The following WWOX variants were observed in gnomAD, a reference collection of about 807,000 sequenced individuals.
The protein encoded by WWOX is WW domain containing oxidoreductase.
Under a neutral mutation model 46.2 loss-of-function variants are expected in WWOX, and 69 were observed. That is an observed-to-expected ratio of 1.49 (90% CI 1.23 to 1.82). The LOEUF is 1.82. Ranked by LOEUF, WWOX falls within the 40% of genes most tolerant of loss-of-function variation. WWOX has a pLI of 0.00. For missense variants in WWOX, 919 were observed against 542.6 expected (o/e 1.69, Z -6.89); for synonymous variants, 359 against 202.6 (o/e 1.77, Z -6.56).
intron 8 of WWOX, among the ~76,000 whole-genome samples, chr16:78,801,465 T>G (rs533718030): frequency 6.6e-6 from 1 of 152,166 alleles, no homozygotes; most frequent in Non-Finnish European, 1.5e-5. Flanking sequence ...GCTGATATCA[T>G]GTCACCGCAC....
chr16:78,931,656 G>A (rs2045626742), intron 8 of WWOX, among the ~76,000 whole-genome samples: 1 of 152,214 alleles, frequency 6.6e-6, no homozygotes. Context: ...CAGTCATGGA[G>A]TCATCTACAG....
At chr16:78,490,923 C>T (rs1407446781) in intron 8 of WWOX, among the ~76,000 whole-genome samples, 4 of 152,092 alleles carry the variant, frequency 2.6e-5, no homozygotes, top group Non-Finnish European at 5.9e-5. Context: ...GCAGTGAGCT[C>T]ATATGGAAGA....
At chr16:78,878,274 A>G (rs1470260822) in intron 8 of WWOX, among the ~76,000 whole-genome samples, 1 of 152,176 alleles carries the variant, frequency 6.6e-6, no homozygotes, top group Non-Finnish European at 1.5e-5. Context: ...GTTACAATAA[A>G]TAAAAATACC....
At chr16:78,888,553 A>T (rs1253285561) in intron 8 of WWOX, among the ~76,000 whole-genome samples, 1 of 152,154 alleles carries the variant, frequency 6.6e-6, no homozygotes, top group Non-Finnish European at 1.5e-5. Flanking sequence ...GAACTCAAAG[A>T]CGGCTTTTGT....
chr16:78,808,504 C>G (rs2051101838), intron 8 of WWOX, among the ~76,000 whole-genome samples: 1 of 152,150 alleles, frequency 6.6e-6, no homozygotes, highest in Non-Finnish European at 1.5e-5. Flanking sequence ...TTGATGATTA[C>G]TAAAAATGTG....
chr16:78,859,001 TAAAAAAAAAA>T (rs542176032), intron 8 of WWOX, among the ~76,000 whole-genome samples: 6 of 44,330 alleles, frequency 1.4e-4, no homozygotes, highest in East Asian at 1.3e-3. Flanking sequence ...TTTTGAAATT[TAAAAAAAAAA>T]AAAAAAAAAA....
intron 8 of WWOX, among the ~76,000 whole-genome samples, chr16:79,134,601 A>T (rs1369628369): frequency 6.6e-6 from 1 of 152,152 alleles, no homozygotes; most frequent in Non-Finnish European, 1.5e-5. Flanking sequence ...ATAAATGCAG[A>T]CACATACAGA....
At chr16:78,941,080 C>G (rs1450284547) in intron 8 of WWOX, among the ~76,000 whole-genome samples, 2 of 152,094 alleles carry the variant, frequency 1.3e-5, no homozygotes, top group African/African-American at 4.8e-5. Context: ...TGATTGGTCC[C>G]TGATTGCCTC....
At chr16:78,880,926 C>T (rs1464007009) in intron 8 of WWOX, among the ~76,000 whole-genome samples, 1 of 151,470 alleles carries the variant, frequency 6.6e-6, no homozygotes, top group Non-Finnish European at 1.5e-5. Context: ...TCCTGTTTTC[C>T]AAGCACTTTT....
intron 8 of WWOX, among the ~76,000 whole-genome samples, chr16:79,043,539 T>C (rs566072100): frequency 2.6e-5 from 4 of 152,210 alleles, no homozygotes; most frequent in East Asian, 1.9e-4. Context: ...GGATCCAGGA[T>C]CCGACAGCTT....
chr16:78,950,597 C>T (rs938861874), intron 8 of WWOX, among the ~76,000 whole-genome samples: 1 of 151,618 alleles, frequency 6.6e-6, no homozygotes. Context: ...AGATTTCTAA[C>T]ATAATAAAAA....
At position 78,198,786 on chromosome 16, in the gene WWOX, T is replaced by TTA. The variant is rs138131193; in HGVS notation, c.516+34511_516+34512dup. On this transcript the variant is annotated intron_variant, in intron 5 of 8. Coordinates refer to ENST00000566780, the MANE Select transcript of WWOX (RefSeq NM_016373.4). ...TCGCATATGTCAATATGTAAACATTTTATATATATATATATGCATTCACAC... is the reference window on the plus strand; with the variant it reads ...TCGCATATGTCAATATGTAAACATTTTATATATATATATATATGCATTCACAC... Among the ~76,000 whole-genome samples the TTA allele has an allele frequency of 5.2e-3, 779 of 151,032 alleles. 12 individuals carry two copies. Among genetic ancestry groups the TTA allele is most frequent in the African/African-American group, 0.016 (680 of 41,248 alleles).
At chr16:78,714,828 A>C (rs1196144438) in intron 8 of WWOX, among the ~76,000 whole-genome samples, 1 of 152,212 alleles carries the variant, frequency 6.6e-6, no homozygotes, top group South Asian at 2.1e-4. Context: ...ATTTTATTCT[A>C]GCTGCAGTGA....
intron 8 of WWOX, among the ~76,000 whole-genome samples, chr16:78,821,103 A>G (rs1345556402): frequency 1.3e-5 from 2 of 152,186 alleles, no homozygotes; most frequent in Admixed American, 1.3e-4. Context: ...CTAGGGGGAC[A>G]CTATTGAACC....
At chr16:78,383,608 T>G (rs1810994532) in intron 5 of WWOX, among the ~76,000 whole-genome samples, 1 of 152,174 alleles carries the variant, frequency 6.6e-6, no homozygotes, top group African/African-American at 2.4e-5. Context: ...TACAAACATT[T>G]CTATAAAGTT....
At chr16:78,575,919 G>A (rs115715242) in intron 8 of WWOX, among the ~76,000 whole-genome samples, 1,756 of 152,086 alleles carry the variant, frequency 0.012, 41 homozygotes, top group African/African-American at 0.04. Context: ...TATAAAACAT[G>A]CTATATTAAA....
Position 78,826,371 on chromosome 16 carries a change from T to G in WWOX, c.1057-385237T>G, listed in dbSNP as rs547468156. Among the ~76,000 whole-genome samples, 353 of 152,270 alleles carry G rather than the reference T, an allele frequency of 2.3e-3. 2 individuals are homozygous for G. The highest frequency in any genetic ancestry group is 8.3e-3 in the African/African-American group (343 of 41,540). ...CAAAACAACAGCAACAGAAATGTAT[T>G]CTCTCACAGTTCTGGAGGCCAGACA... On this transcript the variant is annotated intron_variant, in intron 8 of 8. Coordinates refer to ENST00000566780, the MANE Select transcript of WWOX (RefSeq NM_016373.4).
intron 4 of WWOX, among the ~76,000 whole-genome samples, chr16:78,151,424 G>A (rs191200180): frequency 1.1e-4 from 17 of 152,182 alleles, no homozygotes; most frequent in African/African-American, 3.6e-4. Context: ...TACATGAAAT[G>A]ACAATGACAC....
At chr16:78,398,374 C>G (rs1160087255) in intron 6 of WWOX, among the ~76,000 whole-genome samples, 1 of 152,166 alleles carries the variant, frequency 6.6e-6, no homozygotes, top group African/African-American at 2.4e-5. Context: ...GCTCCTCTCC[C>G]ACTTGTCCAT....
Sources: allele counts gnomAD v4.1 joint callset (sites outside exome capture counted in the v4.1 genomes callset), GRCh38; gene constraint gnomAD v4.1.1; transcripts MANE v1.5; gene names NCBI Gene and HGNC (gene_info 2026-07-23, HGNC 2026-07-21).